NTM: variants seen among roughly 807,000 people sequenced by gnomAD.
NTM encodes the protein neurotrimin.
Under a neutral mutation model 42.1 loss-of-function variants are expected in NTM, and 13 were observed. The observed-to-expected ratio is 0.31, with a 90% CI of 0.20 to 0.49. The LOEUF (loss-of-function observed/expected upper bound fraction) is 0.49, where lower values mean the gene tolerates loss of function less well. Ranked by LOEUF, NTM falls within the 20% of genes least tolerant of loss-of-function variation. The pLI, the probability that NTM is intolerant of heterozygous loss-of-function variation, is 0.99. For synonymous variants in NTM, 187 were observed against 179.2 expected (o/e 1.04, Z -0.35); for missense variants, 373 against 452.8 (o/e 0.82, Z 1.60).
At chr11:131,571,418 G>C (rs1407100180) in intron 1 of NTM, among the ~76,000 whole-genome samples, 2 of 152,194 alleles carry the variant, frequency 1.3e-5, no homozygotes. Context: ...AGAAAACTGA[G>C]CTTTCCAGGA....
At chr11:131,759,059 G>T (rs1057425410) in intron 1 of NTM, among the ~76,000 whole-genome samples, 1 of 152,158 alleles carries the variant, frequency 6.6e-6, no homozygotes, top group Non-Finnish European at 1.5e-5. Context: ...AGAAAATAAA[G>T]CATACACTTC....
At chr11:131,370,967 A>G in intron 1 of NTM, 79 bp downstream of exon 1, 1 of 1,596,308 alleles carries the variant, frequency 6.3e-7, no homozygotes. Flanking sequence ...AGACTCCCCG[A>G]GTCGGCTGTG....
At chr11:132,292,568 G>A (rs1339374218) in intron 4 of NTM, among the ~76,000 whole-genome samples, 1 of 151,932 alleles carries the variant, frequency 6.6e-6, no homozygotes, top group Non-Finnish European at 1.5e-5. Flanking sequence ...ATGAGTGCCT[G>A]CTTGAGACAG....
chr11:131,868,469 G>A (rs1429524676), intron 1 of NTM, among the ~76,000 whole-genome samples: 1 of 152,144 alleles, frequency 6.6e-6, no homozygotes, highest in Non-Finnish European at 1.5e-5. Flanking sequence ...AGCTCTGATT[G>A]TGTCGGGCTC....
intron 2 of NTM, among the ~76,000 whole-genome samples, chr11:132,144,374 T>C (rs143979390): frequency 6.9e-4 from 105 of 152,350 alleles, no homozygotes; most frequent in African/African-American, 2.4e-3. Context: ...TTGAGAAACA[T>C]GTGGAGCTGG....
At chr11:131,511,487 T>C (rs1476695274) in intron 1 of NTM, among the ~76,000 whole-genome samples, 1 of 152,238 alleles carries the variant, frequency 6.6e-6, no homozygotes, top group African/African-American at 2.4e-5. Flanking sequence ...TGCTTAAGAA[T>C]GGTTTAAATC....
intron 2 of NTM, among the ~76,000 whole-genome samples, chr11:132,069,543 C>T (rs1337750282): frequency 1.3e-5 from 2 of 149,496 alleles, no homozygotes; most frequent in African/African-American, 5.0e-5. Context: ...TAACACGTCA[C>T]CCAGCCAAGT....
At chr11:131,910,818 G>T (rs2137933749) in intron 1 of NTM, 1 of 984,550 alleles carries the variant, frequency 1.0e-6, no homozygotes, top group East Asian at 1.1e-4. Context: ...CCGGACAGCG[G>T]CGGCCGCAGC....
chr11:131,590,907 TACCCAGTCATCATTTGGGC>T (rs1348615686), intron 1 of NTM, among the ~76,000 whole-genome samples: 1 of 152,186 alleles, frequency 6.6e-6, no homozygotes, highest in Non-Finnish European at 1.5e-5. Context: ...TGCGAGTGGA[TACCCAGTCATCATTTGGGC>T]AGTGCTCAGT....
At chr11:132,102,748 C>T (rs2061778355) in intron 2 of NTM, among the ~76,000 whole-genome samples, 2 of 152,150 alleles carry the variant, frequency 1.3e-5, no homozygotes. Context: ...CGGAAGGATG[C>T]TTCCTGAGGG....
At chr11:131,555,193 G>GT (rs555963261) in intron 1 of NTM, among the ~76,000 whole-genome samples, 120 of 152,250 alleles carry the variant, frequency 7.9e-4, no homozygotes, top group African/African-American at 2.9e-3. Flanking sequence ...AAAATCACTA[G>GT]TATGTGTTCA....
chr11:132,175,866 A>G (rs1039166653), intron 3 of NTM, among the ~76,000 whole-genome samples: 2 of 152,188 alleles, frequency 1.3e-5, no homozygotes, highest in African/African-American at 4.8e-5. Context: ...CGGGTTCCCC[A>G]TTGAACTTCC....
At chr11:131,642,127 G>T (rs2065218324) in intron 1 of NTM, among the ~76,000 whole-genome samples, 1 of 152,174 alleles carries the variant, frequency 6.6e-6, no homozygotes, top group African/African-American at 2.4e-5. Context: ...GTTTAGGAGG[G>T]CCATTTCCTG....
chr11:132,137,016 C>G (rs1033224414), intron 2 of NTM, among the ~76,000 whole-genome samples: 2 of 152,216 alleles, frequency 1.3e-5, no homozygotes, highest in African/African-American at 4.8e-5. Flanking sequence ...CTAATCTATA[C>G]TGTTCTTCCT....
intron 2 of NTM, among the ~76,000 whole-genome samples, chr11:132,065,357 T>C (rs929791193): frequency 4.6e-5 from 7 of 152,082 alleles, no homozygotes; most frequent in Admixed American, 1.3e-4. Flanking sequence ...TCAAACATCA[T>C]CTCAGGGCAA....
In NTM at chr11:132,048,967, A is replaced by G. The variant is rs1391457470; in HGVS notation, c.168-97315A>G. 1.6e-4 allele frequency among the ~76,000 whole-genome samples: 25 copies of G among 151,964 alleles called. 1 individual carries two copies. ...TTCAAGGCTGACTGACCTGAGAGAG[A>G]AGGACTTCTGCATTGCTGCTCAGGA... On this transcript the variant is annotated intron_variant, in intron 2 of 8. Transcript: ENST00000683400.
chr11:132,046,116 A>G (rs1302111285), intron 2 of NTM, among the ~76,000 whole-genome samples: 3 of 152,194 alleles, frequency 2.0e-5, no homozygotes, highest in African/African-American at 7.2e-5. Context: ...TTTCTGCAAA[A>G]TGGGGATAAT....
At chr11:131,499,745 C>A (rs563465668) in intron 1 of NTM, among the ~76,000 whole-genome samples, 2 of 152,186 alleles carry the variant, frequency 1.3e-5, no homozygotes, top group African/African-American at 4.8e-5. Flanking sequence ...TAAGTTTCTT[C>A]TGCATCAGAG....
At chr11:131,475,280 T>A (rs981965921) in intron 1 of NTM, among the ~76,000 whole-genome samples, 1 of 152,224 alleles carries the variant, frequency 6.6e-6, no homozygotes, top group Non-Finnish European at 1.5e-5. Flanking sequence ...ACTAATTATC[T>A]TTTATTATTT....
Sources: gnomAD v4.1 joint callset for allele counts (sites outside exome capture counted in the v4.1 genomes callset) on GRCh38, gnomAD v4.1.1 for gene constraint, MANE v1.5 for transcripts, NCBI Gene and HGNC (gene_info 2026-07-23, HGNC 2026-07-21) for gene names.